Variants in SIPA1L2 observed in about 807,000 individuals in gnomAD.
SIPA1L2 encodes signal-induced proliferation-associated 1-like protein 2.
Under a neutral mutation model 163.9 loss-of-function variants are expected in SIPA1L2, and 56 were observed. That is an observed-to-expected ratio of 0.34 (90% CI 0.28 to 0.43). The LOEUF (loss-of-function observed/expected upper bound fraction) is 0.43, where lower values mean the gene tolerates loss of function less well. SIPA1L2 is among the 20% of genes least tolerant of loss of function. The probability of loss-of-function intolerance (pLI) is 1.00; values close to 1 mark genes in which losing one functional copy is unlikely to be tolerated. For synonymous variants in SIPA1L2, 877 were observed against 865.7 expected (o/e 1.01, Z -0.23); for missense variants, 1,974 against 2,193.5 (o/e 0.90, Z 2.00).
intron 17 of SIPA1L2, among the ~76,000 whole-genome samples, chr1:232,426,100 C>A (rs761538843): frequency 6.6e-6 from 1 of 152,154 alleles, no homozygotes; most frequent in Non-Finnish European, 1.5e-5. Flanking sequence ...ACCTCCATAA[C>A]CTTATAGCAG....
chr1:232,496,606 T>C (rs1666206622), intron 3 of SIPA1L2, among the ~76,000 whole-genome samples: 1 of 151,160 alleles, frequency 6.6e-6, no homozygotes, highest in Non-Finnish European at 1.5e-5. Context: ...AAGTTAATTG[T>C]CTACTTCAGA....
At chr1:232,438,156 A>G (rs536776833) in intron 15 of SIPA1L2, among the ~76,000 whole-genome samples, 2 of 152,254 alleles carry the variant, frequency 1.3e-5, no homozygotes, top group Non-Finnish European at 2.9e-5. Context: ...GGAACATAAA[A>G]AGCCTTTCAC....
intron 3 of SIPA1L2, among the ~76,000 whole-genome samples, chr1:232,511,614 G>A (rs1573006263): frequency 6.6e-6 from 1 of 152,104 alleles, no homozygotes; most frequent in Admixed American, 6.6e-5. Flanking sequence ...GTGGTTTAAC[G>A]TTATAAGGGA....
At chr1:232,458,376 T>C (rs1220843193) in intron 10 of SIPA1L2, among the ~76,000 whole-genome samples, 1 of 152,244 alleles carries the variant, frequency 6.6e-6, no homozygotes, top group African/African-American at 2.4e-5. Context: ...AACTTTTAAA[T>C]TGTAGTTTTT....
chr1:232,542,704 G>A (rs1316151055), intron 2 of SIPA1L2, among the ~76,000 whole-genome samples: 4 of 152,168 alleles, frequency 2.6e-5, no homozygotes, highest in Non-Finnish European at 5.9e-5. Context: ...AAAAGAAAAT[G>A]CGCTTACCTC....
chr1:232,445,429 GCTAA>G, intron 11 of SIPA1L2, 96 bp downstream of exon 11: 1 of 1,537,704 alleles, frequency 6.5e-7, no homozygotes, highest in Non-Finnish European at 8.8e-7. Context: ...CTGTGAACAA[GCTAA>G]CTCAGAAGTG....
At chr1:232,474,204 A>G (rs1253411751) in intron 7 of SIPA1L2, among the ~76,000 whole-genome samples, 3 of 152,210 alleles carry the variant, frequency 2.0e-5, no homozygotes, top group African/African-American at 7.2e-5. Context: ...ATGTAAAGCT[A>G]ATGACAATTT....
intron 13 of SIPA1L2, 78 bp from the exon 14 acceptor site, chr1:232,441,472 A>T: frequency 8.3e-7 from 1 of 1,211,022 alleles, no homozygotes; most frequent in Non-Finnish European, 1.2e-6. Flanking sequence ...GGAGTCAGAC[A>T]AGTGGTTTGG....
At chr1:232,549,564 TG>T (rs1658257140) in intron 2 of SIPA1L2, among the ~76,000 whole-genome samples, 1 of 152,184 alleles carries the variant, frequency 6.6e-6, no homozygotes, top group Non-Finnish European at 1.5e-5. Flanking sequence ...CTGATGTTGA[TG>T]GGAGCTCCTA....
At position 232,443,661 on chromosome 1, in the gene SIPA1L2, G is replaced by A; in HGVS notation, c.3378C>T (p.Ser1126=). ...GTRSSPSNQS[S]SSDPGPGGSG... ...TCCCGCCGGGTCCAGGGTCGCTGGAGGATGACTGGTTGCTGGGTGAGCTTC... is the reference window on the plus strand; with the variant it reads ...TCCCGCCGGGTCCAGGGTCGCTGGAAGATGACTGGTTGCTGGGTGAGCTTC... Residue 1126 remains serine (S), a synonymous_variant, in exon 12 of 23, where the codon TCC becomes TCT. Transcript: ENST00000674635. The A allele has an allele frequency of 6.2e-7, 1 of 1,608,896 alleles. No individual in the cohort carries two copies. Among genetic ancestry groups the A allele is most frequent in the Non-Finnish European group, 8.5e-7 (1 of 1,177,638 alleles).
intron 15 of SIPA1L2, among the ~76,000 whole-genome samples, chr1:232,436,791 C>T (rs1188757697): frequency 6.6e-6 from 1 of 152,130 alleles, no homozygotes; most frequent in Non-Finnish European, 1.5e-5. Flanking sequence ...CTGTGCAGCT[C>T]GGGGGGCACG....
intron 1 of SIPA1L2, among the ~76,000 whole-genome samples, chr1:232,614,174 T>C (rs1214024475): frequency 6.6e-6 from 1 of 152,126 alleles, no homozygotes; most frequent in Non-Finnish European, 1.5e-5. Context: ...TGCCAGATAC[T>C]TCGTGTAACA....
At chr1:232,471,644 T>C (rs760551087) in intron 7 of SIPA1L2, 116 bp from the exon 8 acceptor site, 153 of 961,044 alleles carry the variant, frequency 1.6e-4, no homozygotes, top group Non-Finnish European at 1.8e-4. Context: ...AGTCATTCTT[T>C]GGAAGTCAGT....
chr1:232,592,530 T>A (rs1661019993), intron 1 of SIPA1L2, among the ~76,000 whole-genome samples: 1 of 152,118 alleles, frequency 6.6e-6, no homozygotes, highest in Admixed American at 6.5e-5. Flanking sequence ...TATGTGAAAA[T>A]AAAATAAAAA....
At chr1:232,525,608 G>A (rs919496227) in intron 2 of SIPA1L2, among the ~76,000 whole-genome samples, 10 of 151,998 alleles carry the variant, frequency 6.6e-5, no homozygotes, top group African/African-American at 2.2e-4. Flanking sequence ...CCCACGAGAC[G>A]CTTGGTGCAC....
At chr1:232,611,946 T>A (rs1233228318) in intron 1 of SIPA1L2, among the ~76,000 whole-genome samples, 1 of 151,694 alleles carries the variant, frequency 6.6e-6, no homozygotes, top group Non-Finnish European at 1.5e-5. Flanking sequence ...TAGGAGAAAA[T>A]GGTTTCATGG....
Position 232,474,720 on chromosome 1 carries a change from C to T in SIPA1L2, c.2086-3192G>A, listed in dbSNP as rs1247230452. On this transcript the variant is annotated intron_variant, in intron 7 of 22. Coordinates refer to ENST00000674635, the MANE Select transcript of SIPA1L2 (RefSeq NM_020808.5). ...GCAGGTATCAAAATACAGCGTGTAA[C>T]CCCAAAATATGTACAACTATTATAT... Among the ~76,000 whole-genome samples the T allele has an allele frequency of 2.0e-5, 3 of 151,728 alleles. No homozygotes were observed. The East Asian group carries it at 5.8e-4, about 29-fold the overall frequency.
intron 17 of SIPA1L2, 125 bp from the exon 18 acceptor site, chr1:232,425,933 C>T: frequency 1.2e-6 from 1 of 824,114 alleles, no homozygotes; most frequent in Non-Finnish European, 1.9e-6. Flanking sequence ...TCTCTGTTAG[C>T]TCAAGAATGC....
At chr1:232,452,631 C>T (rs1663652006) in intron 10 of SIPA1L2, among the ~76,000 whole-genome samples, 1 of 152,182 alleles carries the variant, frequency 6.6e-6, no homozygotes, top group Non-Finnish European at 1.5e-5. Flanking sequence ...GGACTTGGTT[C>T]TAAATCATGT....
Sources: gnomAD v4.1 joint callset for allele counts (sites outside exome capture counted in the v4.1 genomes callset) on GRCh38, gnomAD v4.1.1 for gene constraint, MANE v1.5 for transcripts, NCBI Gene and HGNC (gene_info 2026-07-23, HGNC 2026-07-21) for gene names.